CDC42BPA: variants seen among roughly 807,000 people sequenced by gnomAD.
The protein encoded by CDC42BPA is serine/threonine-protein kinase MRCK alpha.
CDC42BPA carries 80 observed loss-of-function variants against 223.5 expected under a neutral mutation model. That is an observed-to-expected ratio of 0.36 (90% CI 0.30 to 0.43). CDC42BPA has a LOEUF of 0.43. Among genes scored for constraint, CDC42BPA ranks in the 20% least tolerant of loss-of-function variants. The pLI is 1.00. For missense variants in CDC42BPA, 1,743 were observed against 2,099.9 expected (o/e 0.83, Z 3.32); for synonymous variants, 694 against 718.6 (o/e 0.97, Z 0.55).
intron 1 of CDC42BPA, among the ~76,000 whole-genome samples, chr1:227,316,014 G>GTTTTAC (rs1490342733): frequency 1.4e-5 from 2 of 144,662 alleles, no homozygotes; most frequent in East Asian, 2.0e-4. Context: ...GGAAAATAAA[G>GTTTTAC]TTTTACTTGG....
Position 227,033,351 on chromosome 1 carries a change from T to C in CDC42BPA, c.3541A>G (p.Ile1181Val), listed in dbSNP as rs769019338. ...SDVIHASRKD[I>V]PCIFRVTASQ... is the part of the protein sequence containing the mutation. ...ACACTTACCCTAAATATACAGGGTA[T>C]ATCTTTCCGACTTGCATGGATAACA... The change falls in exon 27 of 37, where the codon ATA (isoleucine) becomes GTA (valine). Residue 1181 changes from isoleucine to valine, a missense_variant. Around this residue, in one of 6 missense-constraint regions of CDC42BPA, gnomAD observed 678 missense variants for 777.5 expected, o/e 0.87. Coordinates refer to ENST00000366766, the MANE Select transcript of CDC42BPA (RefSeq NM_001394014.1). 3.7e-6 allele frequency: 6 copies of C among 1,610,402 alleles called. No individual in the cohort carries two copies. The South Asian group carries it at 5.5e-5, about 15-fold the overall frequency.
At chr1:227,050,199 G>A (rs758584433) in intron 22 of CDC42BPA, among the ~76,000 whole-genome samples, 26 of 152,016 alleles carry the variant, frequency 1.7e-4, no homozygotes, top group Non-Finnish European at 2.8e-4. Flanking sequence ...ACACAAACAG[G>A]CAAATCATCA....
intron 2 of CDC42BPA, among the ~76,000 whole-genome samples, chr1:227,249,430 A>C (rs1171632162): frequency 6.6e-6 from 1 of 152,224 alleles, no homozygotes; most frequent in African/African-American, 2.4e-5. Flanking sequence ...AGATGACACG[A>C]AATTAAAAAG....
intron 5 of CDC42BPA, among the ~76,000 whole-genome samples, chr1:227,190,914 T>G (rs1283390452): frequency 1.3e-5 from 2 of 152,178 alleles, no homozygotes; most frequent in African/African-American, 4.8e-5. Context: ...AGGAAGTGTA[T>G]ACAAATTGTT....
intron 23 of CDC42BPA, among the ~76,000 whole-genome samples, chr1:227,046,399 G>A (rs766320243): frequency 3.3e-5 from 5 of 152,086 alleles, no homozygotes; most frequent in Non-Finnish European, 5.9e-5. Context: ...AGTATTCTGG[G>A]AGCTAAGCAG....
intron 1 of CDC42BPA, among the ~76,000 whole-genome samples, chr1:227,258,902 G>C (rs1372202014): frequency 6.6e-6 from 1 of 150,952 alleles, no homozygotes; most frequent in African/African-American, 2.5e-5. Flanking sequence ...AATTGAAAAA[G>C]ATATAATAAT....
intron 10 of CDC42BPA, among the ~76,000 whole-genome samples, chr1:227,129,666 CAAAAAAAAAAAAAAAA>C (rs569879499): frequency 2.9e-5 from 1 of 33,906 alleles, no homozygotes; most frequent in African/African-American, 1.4e-4. Context: ...GACTGTATCT[CAAAAAAAAAAAAAAAA>C]AAAAAAAAAA....
intron 16 of CDC42BPA, among the ~76,000 whole-genome samples, chr1:227,089,626 CGTT>C (rs781494570): frequency 1.0e-5 from 1 of 100,072 alleles, no homozygotes; most frequent in South Asian, 3.7e-4. Flanking sequence ...TGGGTAATTC[CGTT>C]TTTTTTTTTT....
At chr1:227,265,145 C>T (rs868227009) in intron 1 of CDC42BPA, 61 of 726,928 alleles carry the variant, frequency 8.4e-5, no homozygotes, top group Middle Eastern at 6.8e-4. Context: ...ACTAAGATTC[C>T]AGCAACCACT....
rs1277927369 is a variant in CDC42BPA at position 227,257,580 on chromosome 1, T to A, written c.179-3425A>T. Among the ~76,000 whole-genome samples the A allele has an allele frequency of 1.3e-5, 2 of 150,636 alleles. 1 individual carries two copies. Among genetic ancestry groups the A allele is most frequent in the Non-Finnish European group, 2.9e-5 (2 of 68,018 alleles). ...GCCTGGTCAACATGGTGAAACCCTG[T>A]CTCTACCAAAAATACAAAAATTAAA... is the stretch of plus-strand genomic sequence containing the variant. On this transcript the variant is annotated intron_variant, in intron 1 of 36. Transcript: ENST00000366766.
intron 15 of CDC42BPA, among the ~76,000 whole-genome samples, chr1:227,096,304 A>G (rs57358273): frequency 0.026 from 4,008 of 152,254 alleles, 195 homozygotes; most frequent in African/African-American, 0.092. Flanking sequence ...ATTGAGTAAA[A>G]TTTTCATGTA....
At chr1:227,001,915 CAAAAACA>C (rs977197354) in intron 35 of CDC42BPA, among the ~76,000 whole-genome samples, 17 of 147,982 alleles carry the variant, frequency 1.1e-4, no homozygotes, top group African/African-American at 3.2e-4. Flanking sequence ...TCAAAAAAAA[CAAAAACA>C]AAAAACAAAA....
At chr1:227,147,116 T>C (rs1054371751) in intron 7 of CDC42BPA, among the ~76,000 whole-genome samples, 2 of 152,184 alleles carry the variant, frequency 1.3e-5, no homozygotes, top group African/African-American at 2.4e-5. Flanking sequence ...TTACGACCTT[T>C]GTTATTCTAC....
At chr1:227,047,836 G>T in intron 23 of CDC42BPA, 91 bp downstream of exon 23, 2 of 658,974 alleles carry the variant, frequency 3.0e-6, no homozygotes, top group Non-Finnish European at 5.2e-6. Context: ...TAAATTTGAA[G>T]AAATAATATC....
At chr1:227,117,653 G>C (rs1687978397) in intron 12 of CDC42BPA, among the ~76,000 whole-genome samples, 2 of 151,906 alleles carry the variant, frequency 1.3e-5, no homozygotes, top group Admixed American at 1.3e-4. Context: ...CATCTTCACA[G>C]TTTTCAAAAA....
At position 227,134,835 on chromosome 1, in the gene CDC42BPA, A is replaced by T. The variant is rs545970863; in HGVS notation, c.1390+4741T>A. On this transcript the variant is annotated intron_variant, in intron 10 of 36. Coordinates refer to ENST00000366766, the MANE Select transcript of CDC42BPA (RefSeq NM_001394014.1). ...ACAAATTAAAGAATTCAAAACATTT[A>T]AAAAAAACCCAAAACATAGGAAATT... 3.7e-3 allele frequency among the ~76,000 whole-genome samples: 569 copies of T among 152,250 alleles called. 4 individuals carry two copies. The highest frequency in any genetic ancestry group is 0.013 in the African/African-American group (548 of 41,542).
intron 1 of CDC42BPA, among the ~76,000 whole-genome samples, chr1:227,297,967 T>TATATATATATATATACACACAC (rs369403944): frequency 7.6e-6 from 1 of 132,080 alleles, no homozygotes; most frequent in African/African-American, 2.9e-5. Flanking sequence ...TATATACATA[T>TATATATATATATATACACACAC]ACACACACAC....
chr1:227,013,702 C>A (rs1665657897), intron 34 of CDC42BPA, among the ~76,000 whole-genome samples: 1 of 151,986 alleles, frequency 6.6e-6, no homozygotes, highest in Admixed American at 6.6e-5. Context: ...TAAAAACATT[C>A]TTTTCTGTGT....
At chr1:227,182,549 C>G (rs1037691899) in intron 5 of CDC42BPA, among the ~76,000 whole-genome samples, 6 of 152,118 alleles carry the variant, frequency 3.9e-5, no homozygotes, top group African/African-American at 1.4e-4. Flanking sequence ...CACCAGCTTC[C>G]CCCAATGGTA....
Sources: gnomAD v4.1 joint callset for allele counts (sites outside exome capture counted in the v4.1 genomes callset) on GRCh38, gnomAD v4.1.1 for gene constraint, gnomAD v4.1.1 regional missense constraint, MANE v1.5 for transcripts, NCBI Gene and HGNC (gene_info 2026-07-23, HGNC 2026-07-21) for gene names.